The following TRPM3 variants were observed in gnomAD, a reference collection of about 807,000 sequenced individuals.
The protein encoded by TRPM3 is transient receptor potential cation channel subfamily M member 3.
In TRPM3, 77 loss-of-function variants were observed where a neutral mutation model predicts 181.2. The ratio of observed to expected loss-of-function variants is 0.42; its 90% confidence interval spans 0.35 to 0.51. The LOEUF (loss-of-function observed/expected upper bound fraction) is 0.51. Ranked by LOEUF, TRPM3 falls within the 20% of genes least tolerant of loss-of-function variation. The probability of loss-of-function intolerance (pLI) is 0.01; values close to 1 mark genes in which losing one functional copy is unlikely to be tolerated. For missense variants in TRPM3, 1,759 were observed against 2,196.7 expected, an observed-to-expected ratio of 0.80 and a Z score of 3.98; for synonymous variants, 745 against 796.4, an observed-to-expected ratio of 0.94 and a Z score of 1.09.
intron 7 of TRPM3, chr9:70,783,810 G>C (rs1280902455): frequency 2.9e-6 from 3 of 1,028,964 alleles, no homozygotes; most frequent in African/African-American, 1.7e-5. Flanking sequence ...CTGGGAGGAG[G>C]AGAAGGAGAT....
At chr9:71,316,934 G>A (rs183890331) in intron 1 of TRPM3, among the ~76,000 whole-genome samples, 42 of 152,246 alleles carry the variant, frequency 2.8e-4, no homozygotes, top group Admixed American at 1.6e-3. Flanking sequence ...TAATTCTACA[G>A]TATCACTTTG....
chr9:71,118,667 G>C lies in TRPM3; in HGVS notation c.177+2511C>G, dbSNP rs1030558504. Among the ~76,000 whole-genome samples the C allele has an allele frequency of 3.9e-5, 6 of 152,018 alleles. No homozygotes were observed. In the South Asian group the frequency reaches 6.2e-4, roughly 16 times the overall value. ...GGCAGGTCATATTAGAACAATGCTT[G>C]GAAGAGGAATAAGCACTACCTGTTG... On this transcript the variant is annotated intron_variant, in intron 1 of 25. Transcript: ENST00000677713.
intron 3 of TRPM3, among the ~76,000 whole-genome samples, chr9:70,860,208 C>A (rs929182980): frequency 6.6e-6 from 1 of 152,172 alleles, no homozygotes; most frequent in Non-Finnish European, 1.5e-5. Flanking sequence ...ACTATGCCTG[C>A]TTTATAGATA....
At chr9:70,811,921 C>T (rs1219248906) in intron 6 of TRPM3, among the ~76,000 whole-genome samples, 1 of 152,082 alleles carries the variant, frequency 6.6e-6, no homozygotes, top group Admixed American at 6.5e-5. Flanking sequence ...ATAAATATAT[C>T]TACATCTATG....
At chr9:71,144,838 A>G (rs2075317538) in intron 1 of TRPM3, among the ~76,000 whole-genome samples, 1 of 152,200 alleles carries the variant, frequency 6.6e-6, no homozygotes, top group African/African-American at 2.4e-5. Context: ...ATGGAAAAAA[A>G]TGAACAGCAT....
In TRPM3 at chr9:71,180,050, C is replaced by CTTTTTTTTTTT. The variant is rs35877663; in HGVS notation, c.183+266592_183+266602dup. On this transcript the variant is annotated intron_variant, in intron 1 of 24. Transcript: ENST00000357533. ...GGGGAGAACCTTATCATACATCCTT[C>CTTTTTTTTTTT]TTTTTTTTTTTTTTTTTTTTTGAGA... 4.0e-4 allele frequency among the ~76,000 whole-genome samples: 40 copies of CTTTTTTTTTTT among 101,180 alleles called. 1 individual carries two copies. The highest frequency in any genetic ancestry group is 1.0e-3 in the African/African-American group (28 of 26,716). The allele number at this position is 101,180 out of a possible 152,430, so 66.4% of individuals were successfully genotyped here.
intron 1 of TRPM3, chr9:70,917,563 G>GTTTTTTTTTTTCTTTT: frequency 1.7e-6 from 1 of 576,064 alleles, no homozygotes; most frequent in African/African-American, 2.1e-5. Context: ...ACAGTGTTAA[G>GTTTTTTTTTTTCTTTT]TTGTTATATC....
chr9:71,254,857 T>C (rs2082577711), intron 1 of TRPM3, among the ~76,000 whole-genome samples: 1 of 151,926 alleles, frequency 6.6e-6, no homozygotes. Flanking sequence ...TAAAAAAAAA[T>C]GAAGATGAAA....
chr9:70,995,523 T>C (rs942720526), intron 1 of TRPM3, among the ~76,000 whole-genome samples: 1 of 152,166 alleles, frequency 6.6e-6, no homozygotes, highest in Admixed American at 6.5e-5. Context: ...TCCCTGCACA[T>C]CTAGAGTCCT....
At chr9:71,191,201 G>C (rs2077999279) in intron 1 of TRPM3, among the ~76,000 whole-genome samples, 1 of 151,748 alleles carries the variant, frequency 6.6e-6, no homozygotes, top group Non-Finnish European at 1.5e-5. Flanking sequence ...GTATTGAATG[G>C]GTCTGTAATT....
chr9:70,993,093 A>G (rs1232772799), intron 1 of TRPM3, among the ~76,000 whole-genome samples: 2 of 152,214 alleles, frequency 1.3e-5, no homozygotes, highest in African/African-American at 2.4e-5. Context: ...ACCTGAGGGC[A>G]TAGAGGAGCT....
chr9:71,407,059 T>TA (rs1201800664), intron 1 of TRPM3, among the ~76,000 whole-genome samples: 1 of 152,218 alleles, frequency 6.6e-6, no homozygotes, highest in Non-Finnish European at 1.5e-5. Context: ...TAGATGGTTT[T>TA]ATGTTTCCTA....
intron 1 of TRPM3, among the ~76,000 whole-genome samples, chr9:71,197,703 C>G (rs1365716690): frequency 6.6e-6 from 1 of 151,762 alleles, no homozygotes; most frequent in African/African-American, 2.4e-5. Flanking sequence ...CCTTCGCCCA[C>G]TTTTTGATGG....
At chr9:71,054,193 A>G (rs532475245) in intron 1 of TRPM3, among the ~76,000 whole-genome samples, 2 of 152,264 alleles carry the variant, frequency 1.3e-5, no homozygotes, top group East Asian at 1.9e-4. Flanking sequence ...AAGAGGAAGC[A>G]GCTTACCCAA....
At chr9:71,133,292 C>CTTTTTTTTTTTTT (rs761379173) in intron 1 of TRPM3, among the ~76,000 whole-genome samples, 1,847 of 72,306 alleles carry the variant, frequency 0.026, 302 homozygotes, top group Non-Finnish European at 0.033. Flanking sequence ...TAGCAAATTG[C>CTTTTTTTTTTTTT]TTTTTTTTTT....
intron 1 of TRPM3, among the ~76,000 whole-genome samples, chr9:71,081,839 A>G (rs1297881136): frequency 1.3e-5 from 2 of 152,166 alleles, no homozygotes; most frequent in Non-Finnish European, 2.9e-5. Context: ...AAAGTGTACA[A>G]ACATCTGTCT....
At chr9:70,868,155 A>G (rs1177857465) in intron 1 of TRPM3, among the ~76,000 whole-genome samples, 2 of 152,012 alleles carry the variant, frequency 1.3e-5, no homozygotes, top group Non-Finnish European at 2.9e-5. Flanking sequence ...ACCTCTCTGT[A>G]TATTCTTTTC....
chr9:71,126,195 G>C (rs139170588), upstream of TRPM3, among the ~76,000 whole-genome samples: 3 of 152,262 alleles, frequency 2.0e-5, no homozygotes, highest in East Asian at 5.8e-4. Flanking sequence ...TCTCACAACA[G>C]TCAGAATGAC....
At chr9:70,986,627 A>C (rs2097424491) in intron 1 of TRPM3, among the ~76,000 whole-genome samples, 1 of 152,174 alleles carries the variant, frequency 6.6e-6, no homozygotes, top group African/African-American at 2.4e-5. Context: ...TGGTAGTTAA[A>C]TTAGTAAGTG....
Sources: gnomAD v4.1 joint callset for allele counts (sites outside exome capture counted in the v4.1 genomes callset) on GRCh38, gnomAD v4.1.1 for gene constraint, MANE v1.5 for transcripts, NCBI Gene and HGNC (gene_info 2026-07-23, HGNC 2026-07-21) for gene names.